The following AGPS variants were observed in gnomAD, a reference collection of about 807,000 sequenced individuals.
The protein encoded by AGPS is alkyldihydroxyacetonephosphate synthase, peroxisomal.
Under a neutral mutation model 90.7 loss-of-function variants are expected in AGPS, and 26 were observed. The ratio of observed to expected loss-of-function variants is 0.29; its 90% CI spans 0.21 to 0.40. AGPS has a LOEUF of 0.40. Among genes scored for constraint, AGPS ranks in the 10% least tolerant of loss-of-function variants. AGPS has a pLI of 1.00. For synonymous variants in AGPS, 294 were observed against 285.3 expected (o/e 1.03, Z -0.31); for missense variants, 540 against 816.1 (o/e 0.66, Z 4.12).
chr2:177,492,769 T>G lies in AGPS; in HGVS notation c.1234-379T>G, dbSNP rs528055699. On this transcript the variant is annotated intron_variant, in intron 11 of 19. Transcript: ENST00000264167. ...TATAGTTCATAAAATGGCATAATAC[T>G]TGAGGCACTGGATTTTAGTTTTAGA... 3.3e-5 allele frequency among the ~76,000 whole-genome samples: 5 copies of G among 152,330 alleles called. No individual in the cohort carries two copies. In the East Asian group the frequency reaches 9.6e-4, roughly 29 times the overall value.
chr2:177,501,727 G>T (rs1574014390), intron 14 of AGPS, among the ~76,000 whole-genome samples: 1 of 152,144 alleles, frequency 6.6e-6, no homozygotes, highest in East Asian at 1.9e-4. Flanking sequence ...GAGTGCAGTG[G>T]TGTGATCTCA....
intron 15 of AGPS, among the ~76,000 whole-genome samples, chr2:177,506,422 AT>A (rs1293033600): frequency 1.3e-5 from 2 of 151,840 alleles, no homozygotes; most frequent in African/African-American, 4.8e-5. Flanking sequence ...TTCATATAAT[AT>A]GTAAAGATCA....
intron 9 of AGPS, among the ~76,000 whole-genome samples, chr2:177,465,852 G>C (rs1446943544): frequency 6.6e-6 from 1 of 152,228 alleles, no homozygotes; most frequent in Non-Finnish European, 1.5e-5. Flanking sequence ...CCCTCTCGTT[G>C]CCCTCCATGG....
chr2:177,523,003 G>GTT (rs1038324557), intron 18 of AGPS, among the ~76,000 whole-genome samples: 14 of 152,110 alleles, frequency 9.2e-5, no homozygotes, highest in African/African-American at 3.4e-4. Flanking sequence ...TGTTACAAGT[G>GTT]TTTATCTTTT....
intron 1 of AGPS, among the ~76,000 whole-genome samples, chr2:177,410,082 A>T (rs1274125386): frequency 6.6e-6 from 1 of 152,144 alleles, no homozygotes; most frequent in East Asian, 1.9e-4. Flanking sequence ...GTGGCTAGCC[A>T]TCCTGAGGGG....
chr2:177,503,678 A>C (rs1309804672), intron 14 of AGPS, among the ~76,000 whole-genome samples: 1 of 152,168 alleles, frequency 6.6e-6, no homozygotes, highest in Non-Finnish European at 1.5e-5. Context: ...TCTTTAATAT[A>C]TTGTATTTTA....
chr2:177,518,911 CAAGGTGTGAAGATATGAGGCCTAGGGAGA>C (rs1159761615), intron 17 of AGPS, among the ~76,000 whole-genome samples: 1 of 151,860 alleles, frequency 6.6e-6, no homozygotes, highest in African/African-American at 2.4e-5. Flanking sequence ...GTGATTGAGG[CAAGGTGTGAAGATATGAGGCCTAGGGAGA>C]AAGGTGAGAA....
At chr2:177,472,283 C>T (rs1687649010) in intron 10 of AGPS, among the ~76,000 whole-genome samples, 1 of 150,434 alleles carries the variant, frequency 6.6e-6, no homozygotes, top group African/African-American at 2.4e-5. Flanking sequence ...TTTTCAATGC[C>T]CTGTATTAAG....
intron 1 of AGPS, among the ~76,000 whole-genome samples, chr2:177,408,711 C>T (rs1329939204): frequency 1.3e-5 from 2 of 152,160 alleles, no homozygotes; most frequent in Non-Finnish European, 1.5e-5. Flanking sequence ...TTTTCCTTTC[C>T]GTTTCTCTCT....
At position 177,506,420 on chromosome 2, in the gene AGPS, A is replaced by G. The variant is rs141908460; in HGVS notation, c.1545+845A>G. On this transcript the variant is annotated intron_variant, in intron 15 of 19. Transcript: ENST00000264167. ...TATGATATTTTGATAGCTTCATATA[A>G]TATGTAAAGATCAAATCAGGATTGG... Among the ~76,000 whole-genome samples, 852 of 151,936 alleles carry G rather than the reference A, an allele frequency of 5.6e-3. 6 individuals are homozygous for G. The highest frequency in any genetic ancestry group is 0.02 in the African/African-American group (812 of 41,536).
At chr2:177,393,196 G>A in intron 1 of AGPS, 147 bp downstream of exon 1, 14 of 1,540,840 alleles carry the variant, frequency 9.1e-6, no homozygotes, top group Non-Finnish European at 1.2e-5. Context: ...CCTCTCTTTC[G>A]AGAGAGTGGA....
intron 16 of AGPS, among the ~76,000 whole-genome samples, chr2:177,512,561 G>A (rs1470076991): frequency 6.6e-6 from 1 of 152,110 alleles, no homozygotes; most frequent in African/African-American, 2.4e-5. Context: ...TATCAAAGTG[G>A]TTCTCATACA....
At chr2:177,464,779 C>G (rs1452290770) in intron 9 of AGPS, among the ~76,000 whole-genome samples, 1 of 152,200 alleles carries the variant, frequency 6.6e-6, no homozygotes, top group African/African-American at 2.4e-5. Context: ...ATGAAAGGAG[C>G]CTTGCTACAT....
At chr2:177,527,445 A>T (rs2079098855) in intron 19 of AGPS, among the ~76,000 whole-genome samples, 1 of 152,152 alleles carries the variant, frequency 6.6e-6, no homozygotes, top group East Asian at 1.9e-4. Context: ...CAATAAAAGG[A>T]AAATAAATAT....
At chr2:177,440,752 C>T (rs1475654967) in intron 5 of AGPS, among the ~76,000 whole-genome samples, 2 of 151,988 alleles carry the variant, frequency 1.3e-5, no homozygotes, top group South Asian at 2.1e-4. Flanking sequence ...GGAAAATTTT[C>T]GTACTATCTT....
At chr2:177,471,753 G>A (rs565518863) in intron 10 of AGPS, among the ~76,000 whole-genome samples, 16 of 152,234 alleles carry the variant, frequency 1.1e-4, no homozygotes, top group African/African-American at 3.9e-4. Flanking sequence ...CAGAGTTCTG[G>A]AATGTTCCAA....
intron 1 of AGPS, among the ~76,000 whole-genome samples, chr2:177,408,939 T>G (rs1008703156): frequency 6.6e-5 from 10 of 152,230 alleles, no homozygotes; most frequent in African/African-American, 2.4e-4. Flanking sequence ...AATCATGGGC[T>G]GGGTCTAGGG....
chr2:177,494,449 A>G (rs1326922554), intron 12 of AGPS, among the ~76,000 whole-genome samples: 1 of 152,248 alleles, frequency 6.6e-6, no homozygotes, highest in Non-Finnish European at 1.5e-5. Flanking sequence ...CTGCATTTAA[A>G]GATCTAGGTC....
chr2:177,528,031 AT>A (rs943144277), intron 19 of AGPS, among the ~76,000 whole-genome samples: 5 of 151,994 alleles, frequency 3.3e-5, no homozygotes, highest in African/African-American at 7.2e-5. Context: ...TCCCTTTTCT[AT>A]TTTTTTTCTC....
Sources: gnomAD v4.1 joint callset for allele counts (sites outside exome capture counted in the v4.1 genomes callset) on GRCh38, gnomAD v4.1.1 for gene constraint, MANE v1.5 for transcripts, NCBI Gene and HGNC (gene_info 2026-07-23, HGNC 2026-07-21) for gene names.